Variants in REDIC1 observed in about 807,000 individuals in gnomAD.
The protein encoded by REDIC1 is HEI10 Interacting Protein 1.
chr12:39,782,576 T>A, the REDIC1 span, among the ~76,000 whole-genome samples: 1 of 152,072 alleles, frequency 6.6e-6, no homozygotes, highest in South Asian at 2.1e-4. Flanking sequence ...ATCAGCAGCA[T>A]GAAAATGGAC....
At chr12:39,701,703 A>G in the REDIC1 span, among the ~76,000 whole-genome samples, 1 of 152,236 alleles carries the variant, frequency 6.6e-6, no homozygotes, top group Admixed American at 6.5e-5. Context: ...AGCACTCCTC[A>G]GCAAATGTAA....
At chr12:39,675,966 A>T in the REDIC1 span, among the ~76,000 whole-genome samples, 1 of 152,182 alleles carries the variant, frequency 6.6e-6, no homozygotes, top group Non-Finnish European at 1.5e-5. Flanking sequence ...TGTGTTCCAG[A>T]TCCTTTCCAC....
At chr12:39,800,009 T>C in the REDIC1 span, among the ~76,000 whole-genome samples, 1 of 152,212 alleles carries the variant, frequency 6.6e-6, no homozygotes, top group South Asian at 2.1e-4. Context: ...GTCTACCTTT[T>C]TTTGCAGTTC....
the REDIC1 span, among the ~76,000 whole-genome samples, chr12:39,745,485 A>ATT: frequency 6.6e-6 from 1 of 152,212 alleles, no homozygotes; most frequent in Non-Finnish European, 1.5e-5. Flanking sequence ...AATAGGGGTA[A>ATT]TAATAGTGTT....
the REDIC1 span, among the ~76,000 whole-genome samples, chr12:39,747,039 G>A: frequency 6.6e-6 from 1 of 152,244 alleles, no homozygotes; most frequent in Non-Finnish European, 1.5e-5. Context: ...CCAAAGGAAT[G>A]CAGCTCCTCA....
At chr12:39,778,383 C>T in the REDIC1 span, among the ~76,000 whole-genome samples, 1 of 152,062 alleles carries the variant, frequency 6.6e-6, no homozygotes, top group East Asian at 1.9e-4. Flanking sequence ...TGGGGGCCAG[C>T]TGTAGGGATG....
chr12:39,709,971 C>T, the REDIC1 span, among the ~76,000 whole-genome samples: 1 of 151,662 alleles, frequency 6.6e-6, no homozygotes, highest in South Asian at 2.1e-4. Context: ...TTTCTACATC[C>T]TTGCCAATAT....
At chr12:39,664,696 T>G in the REDIC1 span, among the ~76,000 whole-genome samples, 2 of 152,206 alleles carry the variant, frequency 1.3e-5, no homozygotes, top group Non-Finnish European at 2.9e-5. Flanking sequence ...CCACCAACAG[T>G]ATAAAAGTGT....
chr12:39,881,073 A>G, the REDIC1 span, among the ~76,000 whole-genome samples: 1 of 152,266 alleles, frequency 6.6e-6, no homozygotes, highest in Non-Finnish European at 1.5e-5. Context: ...ATCAAATGTT[A>G]CATAAAGCAA....
chr12:39,698,756 A>C, the REDIC1 span, among the ~76,000 whole-genome samples: 1 of 152,248 alleles, frequency 6.6e-6, no homozygotes, highest in Non-Finnish European at 1.5e-5. Context: ...TCAATGAAGA[A>C]ATTAAGAATG....
the REDIC1 span, among the ~76,000 whole-genome samples, chr12:39,886,271 T>A: frequency 6.6e-6 from 1 of 152,186 alleles, no homozygotes; most frequent in African/African-American, 2.4e-5. Flanking sequence ...GCTGGCTTGA[T>A]GCGGGCATAT....
chr12:39,701,048 C>T, the REDIC1 span, among the ~76,000 whole-genome samples: 1 of 151,794 alleles, frequency 6.6e-6, no homozygotes, highest in South Asian at 2.1e-4. Flanking sequence ...AAATCACCAG[C>T]TAACATCATA....
At chr12:39,771,929 C>G in the REDIC1 span, among the ~76,000 whole-genome samples, 1 of 152,110 alleles carries the variant, frequency 6.6e-6, no homozygotes, top group East Asian at 1.9e-4. Context: ...CTACTCATGA[C>G]GTTTCCTGTA....
chr12:39,640,867 C>T, the REDIC1 span: 1 of 864,274 alleles, frequency 1.2e-6, no homozygotes, highest in South Asian at 1.8e-5. Flanking sequence ...TAGATTTTAA[C>T]TCTAAATCTT....
At chr12:39,715,338 T>C in the REDIC1 span, among the ~76,000 whole-genome samples, 1 of 151,964 alleles carries the variant, frequency 6.6e-6, no homozygotes, top group African/African-American at 2.4e-5. Flanking sequence ...CCACTTTATG[T>C]TTCGTTTCCT....
the REDIC1 span, among the ~76,000 whole-genome samples, chr12:39,714,468 T>A: frequency 2.6e-5 from 4 of 151,486 alleles, no homozygotes; most frequent in African/African-American, 9.7e-5. Flanking sequence ...TGATGGGCAT[T>A]TGGGTTTGTT....
the REDIC1 span, among the ~76,000 whole-genome samples, chr12:39,741,788 T>C: frequency 6.6e-6 from 1 of 152,126 alleles, no homozygotes; most frequent in Non-Finnish European, 1.5e-5. Flanking sequence ...TTGTAATTGG[T>C]TAAAGGAGTA....
the REDIC1 span, among the ~76,000 whole-genome samples, chr12:39,704,709 T>G: frequency 1.3e-5 from 2 of 152,222 alleles, no homozygotes; most frequent in African/African-American, 4.8e-5. Context: ...TAAGAAAATG[T>G]GGCACATATA....
At chr12:39,637,181 A>G in the REDIC1 span, among the ~76,000 whole-genome samples, 44 of 151,904 alleles carry the variant, frequency 2.9e-4, no homozygotes, top group African/African-American at 8.9e-4. Flanking sequence ...ACAAATATTT[A>G]TATTACTACT....
Sources: allele counts gnomAD v4.1 joint callset (sites outside exome capture counted in the v4.1 genomes callset), GRCh38; gene constraint gnomAD v4.1.1; transcripts MANE v1.5; gene names NCBI Gene and HGNC (gene_info 2026-07-23, HGNC 2026-07-21).